The following TRABD variants were observed in gnomAD, a reference collection of about 807,000 sequenced individuals.
TRABD encodes TraB domain containing.
TRABD carries 23 observed loss-of-function variants against 39.6 expected under a neutral mutation model. The ratio of observed to expected loss-of-function variants is 0.58; its 90% CI spans 0.42 to 0.82. The LOEUF (loss-of-function observed/expected upper bound fraction) is 0.82, where lower values mean the gene tolerates loss of function less well. Among genes scored for constraint, TRABD ranks in the 40% least tolerant of loss-of-function variants. The pLI is 0.00. For missense variants in TRABD, 487 were observed against 544.9 expected, an observed-to-expected ratio of 0.89 and a Z score of 1.06; for synonymous variants, 243 against 232.1, an observed-to-expected ratio of 1.05 and a Z score of -0.43.
At chr22:50,197,779 C>A in intron 7 of TRABD, 44 bp from the exon 8 acceptor site, 2 of 1,547,268 alleles carry the variant, frequency 1.3e-6, no homozygotes, top group Non-Finnish European at 1.8e-6. Flanking sequence ...ACCCCCCCAG[C>A]CCGTTGCCCA....
rs774852339 is a variant in TRABD, at chr22:50,193,695, G to A, written c.112+41G>A. ...GGTCCTGGCACGTTCCCCGGTGTTGGGCTGTTGAGTCAGGGAGGAGGGGGA... is the reference window on the plus strand; with the variant it reads ...GGTCCTGGCACGTTCCCCGGTGTTGAGCTGTTGAGTCAGGGAGGAGGGGGA... On this transcript the variant is annotated intron_variant, in intron 3 of 9. Coordinates refer to ENST00000380909, the MANE Select transcript of TRABD (RefSeq NM_001320485.2). 3.8e-6 allele frequency: 6 copies of A among 1,596,266 alleles called. No homozygotes were observed. The South Asian group carries it at 6.6e-5, about 18-fold the overall frequency.
chr22:50,194,224 T>C, intron 3 of TRABD, 116 bp from the exon 4 acceptor site: 1 of 1,326,110 alleles, frequency 7.5e-7, no homozygotes, highest in Non-Finnish European at 1.0e-6. Context: ...AGTCTTGTGC[T>C]CTGCACCTGT....
In TRABD at chr22:50,198,914, G is replaced by A. The variant is rs900822657; in HGVS notation, c.*395G>A. On this transcript the variant is annotated 3_prime_UTR_variant, in exon 10 of 10. Transcript: ENST00000380909. This position sits in a 1 kb window ranked among gnomAD's most constrained non-coding sequence, Gnocchi z 7.9. ...CTTCCTGTGCTCCGGCCACAGGAGC[G>A]TCGGCCCAGGGGCGGCTCCTGGGGG... 16 of 579,392 alleles carry A rather than the reference G, an allele frequency of 2.8e-5. No individual in the cohort carries two copies. Among genetic ancestry groups the A allele is most frequent in the South Asian group, 1.6e-4 (8 of 48,722 alleles). The allele number at this position is 579,392 out of a possible 1,614,324, so 35.9% of individuals were successfully genotyped here.
intron 7 of TRABD, 59 bp from the exon 8 acceptor site, chr22:50,197,764 G>GGGGCCCC: frequency 6.8e-5 from 87 of 1,284,614 alleles, no homozygotes; most frequent in Non-Finnish European, 9.2e-5. Flanking sequence ...CACAGTGCCA[G>GGGGCCCC]CCCCACCCCC....
At chr22:50,188,539 C>T (rs921132874) in intron 1 of TRABD, among the ~76,000 whole-genome samples, 5 of 152,198 alleles carry the variant, frequency 3.3e-5, no homozygotes, top group Admixed American at 2.6e-4. Context: ...CGGGCCCCCG[C>T]GGCGTCCTTA....
chr22:50,195,146 G>A, intron 5 of TRABD, 106 bp downstream of exon 5: 1 of 1,397,730 alleles, frequency 7.2e-7, no homozygotes, highest in Non-Finnish European at 9.5e-7. Flanking sequence ...CAGTGTGGCT[G>A]TGCCTGGCCT....
intron 4 of TRABD, 63 bp downstream of exon 4, chr22:50,194,569 C>A: frequency 6.5e-7 from 1 of 1,545,912 alleles, no homozygotes; most frequent in Non-Finnish European, 8.7e-7. Flanking sequence ...GTCCTGCACT[C>A]AGGGACCTCC....
chr22:50,193,163 G>T, intron 2 of TRABD, 70 bp downstream of exon 2: 1 of 1,477,674 alleles, frequency 6.8e-7, no homozygotes, highest in East Asian at 2.5e-5. Flanking sequence ...GGGCTCTCGG[G>T]GTCGGTCCCT....
chr22:50,192,954 G>A, intron 1 of TRABD, 73 bp from the exon 2 acceptor site: 1 of 1,354,894 alleles, frequency 7.4e-7, no homozygotes, highest in Non-Finnish European at 1.0e-6. Flanking sequence ...AGACTGACAG[G>A]GCACTACGCA....
intron 7 of TRABD, 91 bp downstream of exon 7, chr22:50,197,679 TC>T: frequency 6.3e-7 from 1 of 1,577,492 alleles, no homozygotes. Flanking sequence ...CAGCCAATCC[TC>T]ACTCAAGGCC....
Position 50,197,952 on chromosome 22 carries a change from G to A in TRABD, c.801G>A (p.Leu267=). 6.2e-7 allele frequency: 1 copy of A among 1,612,666 alleles called. No homozygotes were observed. Among genetic ancestry groups the A allele is most frequent in the South Asian group, 1.1e-5 (1 of 91,070 alleles). ...SERDVYLTYM[L]RQAARRLELP... is the part of the protein sequence containing the mutation. Reference sequence around the variant, plus strand: ...GCGACGTCTACCTAACCTACATGCTGCGCCAGGCCGCGCGGCGCCTCGAGC... The same window carrying A: ...GCGACGTCTACCTAACCTACATGCTACGCCAGGCCGCGCGGCGCCTCGAGC... Residue 267 remains leucine, a synonymous_variant, in exon 8 of 10, where the codon CTG becomes CTA. Coordinates refer to ENST00000380909, the MANE Select transcript of TRABD (RefSeq NM_001320485.2).
chr22:50,194,208 G>A (rs1409210004), intron 3 of TRABD, 132 bp from the exon 4 acceptor site: 13 of 1,160,224 alleles, frequency 1.1e-5, no homozygotes, highest in East Asian at 7.5e-5. Context: ...TGTGACGCTC[G>A]TCAGGAGTCT....
Position 50,197,300 on chromosome 22 carries a change from C to T in TRABD, c.480C>T (p.Thr160=), listed in dbSNP as rs141382688. The change falls in exon 6 of 10, where the codon ACC becomes ACT. Residue 160 remains threonine, a synonymous_variant. Transcript: ENST00000380909. ...MLLLKVSAHI[T]EQLGMAPGGE... ...TGCTGAAGGTGTCTGCACACATCACCGAGCAGCTGGGCATGGCCCCAGGTG... is the reference window on the plus strand; with the variant it reads ...TGCTGAAGGTGTCTGCACACATCACTGAGCAGCTGGGCATGGCCCCAGGTG... 2,559 of 1,613,852 alleles carry T rather than the reference C, an allele frequency of 1.6e-3. 3 individuals carry two copies. The highest frequency in any genetic ancestry group is 2.0e-3 in the Non-Finnish European group (2,318 of 1,180,028).
chr22:50,195,374 G>A (rs2064063657), intron 5 of TRABD, among the ~76,000 whole-genome samples: 1 of 152,178 alleles, frequency 6.6e-6, no homozygotes, highest in Admixed American at 6.5e-5. Context: ...CCCAAAGTGG[G>A]TGGGGCTCAG....
chr22:50,193,027 G>A lies in TRABD; in HGVS notation c.-34G>A, dbSNP rs1262203793. ...CCCCGCCTCTCATGCCTCTCCTCAG[G>A]CTCCCCACAGGTGCAGGAAGCCGCC... is the stretch of plus-strand genomic sequence containing the variant. On this transcript the variant is annotated splice_region_variant and 5_prime_UTR_variant, in exon 2 of 10. Coordinates refer to ENST00000380909, the MANE Select transcript of TRABD (RefSeq NM_001320485.2). The A allele has an allele frequency of 3.3e-5, 51 of 1,543,328 alleles. No homozygotes were observed. Among genetic ancestry groups the A allele is most frequent in the Non-Finnish European group, 3.8e-5 (44 of 1,146,926 alleles).
intron 1 of TRABD, among the ~76,000 whole-genome samples, chr22:50,192,567 G>T (rs1028674605): frequency 5.3e-5 from 8 of 152,226 alleles, no homozygotes; most frequent in African/African-American, 1.9e-4. Context: ...CTGTGCCGGT[G>T]TTGTTGCCCA....
At chr22:50,188,759 C>T (rs11912419) in intron 1 of TRABD, among the ~76,000 whole-genome samples, 20,996 of 152,212 alleles carry the variant, frequency 0.14, 1,603 homozygotes, top group South Asian at 0.28. Flanking sequence ...AGGTGGGATG[C>T]GCTGTCTGAG....
At position 50,198,514 on chromosome 22, in the gene TRABD, A is replaced by T; in HGVS notation, c.1126A>T (p.Lys376Ter). The T allele has an allele frequency of 3.2e-6, 5 of 1,559,260 alleles. No homozygotes were observed. Among genetic ancestry groups the T allele is most frequent in the Non-Finnish European group, 4.3e-6 (5 of 1,159,838 alleles). ...CLQRVTEARH[K>*] ...GCAGAGGGTGACCGAGGCCCGGCACAAGTAGGAGACTGCTCCCCGCCCGCT... is the reference window on the plus strand; with the variant it reads ...GCAGAGGGTGACCGAGGCCCGGCACTAGTAGGAGACTGCTCCCCGCCCGCT... Residue 376 changes from lysine (K) to a stop codon, truncating the protein, a stop_gained, in exon 10 of 10, where the codon AAG becomes TAG. Coordinates refer to ENST00000380909, the MANE Select transcript of TRABD (RefSeq NM_001320485.2). LOFTEE classifies it high-confidence loss of function. The surrounding 1 kb of genome is among the most constrained non-coding windows in gnomAD (Gnocchi z 7.9).
intron 5 of TRABD, among the ~76,000 whole-genome samples, chr22:50,195,497 C>G (rs1168199751): frequency 6.6e-6 from 1 of 151,496 alleles, no homozygotes; most frequent in Non-Finnish European, 1.5e-5. Context: ...GAGTCTCGCT[C>G]TGTTGCCCAG....
Sources: allele counts gnomAD v4.1 joint callset (sites outside exome capture counted in the v4.1 genomes callset), GRCh38; gene constraint gnomAD v4.1.1; non-coding constraint Gnocchi (gnomAD v3.1); transcripts MANE v1.5; gene names NCBI Gene and HGNC (gene_info 2026-07-23, HGNC 2026-07-21).